Variants in PSD3 observed in about 807,000 individuals in gnomAD.
The protein encoded by PSD3 is pleckstrin and Sec7 domain containing 3.
PSD3 carries 49 observed loss-of-function variants against 105.5 expected under a neutral mutation model. That is an observed-to-expected ratio of 0.46 (90% CI 0.37 to 0.59). The LOEUF is 0.59. Among genes scored for constraint, PSD3 ranks in the 20% least tolerant of loss-of-function variants. The pLI, the probability that PSD3 is intolerant of heterozygous loss-of-function variation, is 0.00. For synonymous variants in PSD3, 557 were observed against 457.8 expected (o/e 1.22, Z -2.77); for missense variants, 1,561 against 1,263.8 (o/e 1.24, Z -3.57).
intron 1 of PSD3, among the ~76,000 whole-genome samples, chr8:19,009,262 A>C: frequency 6.6e-6 from 1 of 150,478 alleles, no homozygotes; most frequent in African/African-American, 2.5e-5. Context: ...TCCAATATTC[A>C]GATTCCAAGA....
At chr8:18,851,026 G>GAACA (rs2129452460) in intron 4 of PSD3, among the ~76,000 whole-genome samples, 1 of 152,296 alleles carries the variant, frequency 6.6e-6, no homozygotes, top group South Asian at 2.1e-4. Flanking sequence ...CAGAACACCA[G>GAACA]ACAGCTACAA....
chr8:18,958,189 C>T (rs1823696162), intron 1 of PSD3, among the ~76,000 whole-genome samples: 1 of 152,142 alleles, frequency 6.6e-6, no homozygotes, highest in Non-Finnish European at 1.5e-5. Context: ...TTGTGTGCTA[C>T]ACTGAAACTA....
At position 18,904,772 on chromosome 8, in the gene PSD3, C is replaced by T. The variant is rs559541251; in HGVS notation, c.130+31262G>A. Among the ~76,000 whole-genome samples, 155 of 152,282 alleles carry T rather than the reference C, an allele frequency of 1.0e-3. 1 individual carries two copies. Among genetic ancestry groups the T allele is most frequent in the South Asian group, 4.3e-3 (21 of 4,834 alleles). On this transcript the variant is annotated intron_variant, in intron 2 of 15. Coordinates refer to ENST00000327040, the MANE Select transcript of PSD3 (RefSeq NM_015310.4). Reference sequence around the variant, plus strand: ...GGGCCATAAGGTCTCTACATAAACACGCAACTTTGCCATTGCAACCAAAAC... The same window carrying T: ...GGGCCATAAGGTCTCTACATAAACATGCAACTTTGCCATTGCAACCAAAAC...
At chr8:18,622,973 T>C (rs1806220054) in intron 11 of PSD3, among the ~76,000 whole-genome samples, 1 of 152,210 alleles carries the variant, frequency 6.6e-6, no homozygotes, top group Non-Finnish European at 1.5e-5. Context: ...AAAATTCTAT[T>C]ACTATGGTAA....
At position 18,891,368 on chromosome 8, in the gene PSD3, C is replaced by G. The variant is rs115059091; in HGVS notation, c.131-18635G>C. 4.3e-3 allele frequency among the ~76,000 whole-genome samples: 650 copies of G among 152,242 alleles called. 3 individuals are homozygous for G. The highest frequency in any genetic ancestry group is 0.014 in the African/African-American group (582 of 41,538). Reference sequence around the variant, plus strand: ...AATGCGTTTTCGTTCGCTTCCACTTCAGGAAATGATTTTGTTCAAGATTTT... The same window carrying G: ...AATGCGTTTTCGTTCGCTTCCACTTGAGGAAATGATTTTGTTCAAGATTTT... On this transcript the variant is annotated intron_variant, in intron 2 of 15. Coordinates refer to ENST00000327040, the MANE Select transcript of PSD3 (RefSeq NM_015310.4).
intron 9 of PSD3, among the ~76,000 whole-genome samples, chr8:18,660,601 A>T (rs552561827): frequency 2.0e-5 from 3 of 152,324 alleles, no homozygotes; most frequent in African/African-American, 7.2e-5. Context: ...GACAGTGCAC[A>T]AGAAAATCAA....
intron 11 of PSD3, among the ~76,000 whole-genome samples, chr8:18,629,506 C>T (rs1017391848): frequency 2.0e-5 from 3 of 151,944 alleles, no homozygotes; most frequent in Non-Finnish European, 4.4e-5. Flanking sequence ...TAATGGAATA[C>T]TTATTAAGCA....
chr8:18,812,058 A>T lies in PSD3; in HGVS notation c.1635-7160T>A, dbSNP rs189277832. Among the ~76,000 whole-genome samples the T allele has an allele frequency of 7.6e-3, 1,152 of 152,296 alleles. 27 individuals carry two copies. The highest frequency in any genetic ancestry group is 0.04 in the Admixed American group (611 of 15,306). On this transcript the variant is annotated intron_variant, in intron 4 of 15. Coordinates refer to ENST00000327040, the MANE Select transcript of PSD3 (RefSeq NM_015310.4). ...GCCTCTGGGCCATATGACTTCCTAA[A>T]TCTCGGATCAGACTGAACACCGCCA...
At chr8:19,057,654 G>T (rs925557852) in intron 1 of PSD3, among the ~76,000 whole-genome samples, 1 of 152,076 alleles carries the variant, frequency 6.6e-6, no homozygotes, top group African/African-American at 2.4e-5. Context: ...CAACTAAAGA[G>T]TTATGCCCCC....
At chr8:18,837,808 A>C (rs184876950) in intron 4 of PSD3, among the ~76,000 whole-genome samples, 13 of 152,290 alleles carry the variant, frequency 8.5e-5, no homozygotes, top group Admixed American at 3.9e-4. Flanking sequence ...TATTTAAAAA[A>C]ATAAAAGCAC....
intron 8 of PSD3, among the ~76,000 whole-genome samples, chr8:18,779,779 G>A (rs142106990): frequency 0.017 from 2,516 of 152,060 alleles, 23 homozygotes; most frequent in Middle Eastern, 0.031. Flanking sequence ...TTATTCCATC[G>A]TGGTCTGAGA....
intron 9 of PSD3, among the ~76,000 whole-genome samples, chr8:18,757,512 T>C (rs1196097283): frequency 6.6e-6 from 1 of 152,110 alleles, no homozygotes; most frequent in African/African-American, 2.4e-5. Context: ...ATTCAGATTC[T>C]ACTCTTTGTT....
At chr8:18,551,766 T>C (rs1800781600) in intron 15 of PSD3, among the ~76,000 whole-genome samples, 2 of 152,182 alleles carry the variant, frequency 1.3e-5, no homozygotes, top group South Asian at 2.1e-4. Flanking sequence ...CATTCTCTTT[T>C]TTCCTGCTGG....
At chr8:18,594,418 T>TATA (rs1183638265) in intron 12 of PSD3, among the ~76,000 whole-genome samples, 67 of 121,704 alleles carry the variant, frequency 5.5e-4, no homozygotes, top group African/African-American at 2.2e-3. Context: ...ATATAAATAA[T>TATA]ATACATTATA....
intron 9 of PSD3, among the ~76,000 whole-genome samples, chr8:18,659,014 C>T (rs1809112178): frequency 6.6e-6 from 1 of 152,092 alleles, no homozygotes; most frequent in South Asian, 2.1e-4. Flanking sequence ...TATGAAAGTT[C>T]CCAGTAGAGG....
intron 9 of PSD3, among the ~76,000 whole-genome samples, chr8:18,716,162 TAAAC>T (rs1262333879): frequency 6.8e-6 from 1 of 146,098 alleles, no homozygotes; most frequent in East Asian, 2.0e-4. Flanking sequence ...TATCAGGTAT[TAAAC>T]AGTTGATTGC....
intron 1 of PSD3, among the ~76,000 whole-genome samples, chr8:18,936,939 G>C (rs1586472947): frequency 1.3e-5 from 2 of 152,098 alleles, no homozygotes; most frequent in South Asian, 4.1e-4. Context: ...ACACCATTCA[G>C]CCGAACAGGG....
At position 19,069,177 on chromosome 8, in the gene PSD3, G is replaced by T. The variant is rs187580691; in HGVS notation, c.324+15029C>A. On this transcript the variant is annotated intron_variant, in intron 1 of 1. Coordinates refer to the PSD3 transcript ENST00000521475. ...GCAAATGTCATTAAATCTTTACAATGGTTCTCATAAATGCTATTCATTTTC... is the reference window on the plus strand; with the variant it reads ...GCAAATGTCATTAAATCTTTACAATTGTTCTCATAAATGCTATTCATTTTC... Among the ~76,000 whole-genome samples, 197 of 152,258 alleles carry T rather than the reference G, an allele frequency of 1.3e-3. 1 individual carries two copies. In the South Asian group the frequency reaches 0.015, roughly 11 times the overall value.
intron 8 of PSD3, among the ~76,000 whole-genome samples, chr8:18,797,912 T>C (rs1192972057): frequency 6.6e-6 from 1 of 152,122 alleles, no homozygotes; most frequent in African/African-American, 2.4e-5. Flanking sequence ...CTTGATTCAA[T>C]GTTATATGTG....
Sources: allele counts gnomAD v4.1 joint callset (sites outside exome capture counted in the v4.1 genomes callset), GRCh38; gene constraint gnomAD v4.1.1; transcripts MANE v1.5; gene names NCBI Gene and HGNC (gene_info 2026-07-23, HGNC 2026-07-21).